The following MED13L variants were observed in gnomAD, a reference collection of about 807,000 sequenced individuals.
MED13L encodes the protein mediator of RNA polymerase II transcription subunit 13-like.
In MED13L, 7 loss-of-function variants were observed where a neutral mutation model predicts 220.9. The observed-to-expected ratio is 0.03, with a 90% confidence interval of 0.02 to 0.06. The LOEUF is 0.06. Ranked by LOEUF, MED13L falls within the 10% of genes least tolerant of loss-of-function variation. MED13L has a pLI of 1.00. For synonymous variants in MED13L, 1,011 were observed against 1,015.2 expected (o/e 1.00, Z 0.08); for missense variants, 1,965 against 2,760.5 (o/e 0.71, Z 6.46).
intron 2 of MED13L, among the ~76,000 whole-genome samples, chr12:116,168,713 C>T (rs1879465099): frequency 6.6e-6 from 1 of 152,056 alleles, no homozygotes; most frequent in African/African-American, 2.4e-5. Context: ...CAAACCAGGG[C>T]AAATGGATGA....
intron 3 of MED13L, among the ~76,000 whole-genome samples, chr12:116,102,439 T>C (rs1873133400): frequency 2.0e-5 from 3 of 152,164 alleles, no homozygotes; most frequent in Admixed American, 2.0e-4. Context: ...TACCATAATC[T>C]CAACAAAATT....
intron 1 of MED13L, among the ~76,000 whole-genome samples, chr12:116,267,436 C>T (rs1361960776): frequency 6.6e-6 from 1 of 152,148 alleles, no homozygotes; most frequent in African/African-American, 2.4e-5. Context: ...GGTTAACTGC[C>T]TCGGGCTACT....
intron 1 of MED13L, among the ~76,000 whole-genome samples, chr12:116,246,317 T>C (rs12826620): frequency 0.013 from 2,030 of 150,384 alleles, 21 homozygotes; most frequent in Non-Finnish European, 0.021. Flanking sequence ...TGAGAGGGAA[T>C]AAAATAAATC....
chr12:116,135,515 T>C (rs565428239), intron 2 of MED13L, among the ~76,000 whole-genome samples: 46 of 152,328 alleles, frequency 3.0e-4, no homozygotes, highest in Non-Finnish European at 3.2e-4. Flanking sequence ...ATATCTATTA[T>C]GCCCTTTCCA....
chr12:116,084,768 T>G (rs1871499243), intron 4 of MED13L, among the ~76,000 whole-genome samples: 1 of 148,602 alleles, frequency 6.7e-6, no homozygotes, highest in Non-Finnish European at 1.5e-5. Flanking sequence ...AGCAGGACCC[T>G]GTCGCCAAAA....
chr12:116,199,716 A>G (rs988071791), intron 2 of MED13L, among the ~76,000 whole-genome samples: 3 of 151,960 alleles, frequency 2.0e-5, no homozygotes, highest in South Asian at 4.2e-4. Context: ...ATTCAAACCT[A>G]TATCAGGAAA....
intron 3 of MED13L, among the ~76,000 whole-genome samples, chr12:116,098,380 G>A (rs943319144): frequency 6.6e-6 from 1 of 152,198 alleles, no homozygotes; most frequent in Non-Finnish European, 1.5e-5. Context: ...TACATATTTT[G>A]TAAGAAAAGA....
intron 2 of MED13L, among the ~76,000 whole-genome samples, chr12:116,185,590 G>C (rs932277166): frequency 1.3e-5 from 2 of 152,056 alleles, no homozygotes; most frequent in African/African-American, 4.8e-5. Flanking sequence ...TCACCTTATT[G>C]ATCTATTTCC....
chr12:116,006,804 A>T (rs61354255), intron 11 of MED13L: 32,624 of 211,222 alleles, frequency 0.15, 2,838 homozygotes, highest in Middle Eastern at 0.19. Context: ...CCCTAACTAT[A>T]CCGGCCTCTT....
rs369352458 is a variant in MED13L at position 115,991,824 on chromosome 12, G to A, written c.3130C>T (p.Pro1044Ser). Residue 1044 changes from proline to serine, a missense_variant, in exon 17 of 31, where the codon CCT (proline) becomes TCT (serine). Physicochemically the swap from Pro to Ser is moderately conservative, Grantham distance 74 (BLOSUM62 -1). Transcript: ENST00000281928. The surrounding 1 kb of genome is among the most constrained non-coding windows in gnomAD (Gnocchi z 7.7). ...GAGVLPSPAT[P>S]RFSVPTPRTP... ...CGTGGTGTGGGGACAGAGAAGCGAGGGGTTGCTGGAGATGGTAGGACTCCT... is the reference window on the plus strand; with the variant it reads ...CGTGGTGTGGGGACAGAGAAGCGAGAGGTTGCTGGAGATGGTAGGACTCCT... The A allele has an allele frequency of 1.2e-6, 2 of 1,612,640 alleles. No homozygotes were observed. Among genetic ancestry groups the A allele is most frequent in the Non-Finnish European group, 1.7e-6 (2 of 1,179,990 alleles).
chr12:116,177,870 A>T (rs752480118), intron 2 of MED13L, among the ~76,000 whole-genome samples: 91 of 152,136 alleles, frequency 6.0e-4, no homozygotes, highest in Non-Finnish European at 1.3e-3. Context: ...ATTTTTTTTT[A>T]AAAGACAGAA....
chr12:116,083,146 C>T (rs916499616), intron 4 of MED13L, among the ~76,000 whole-genome samples: 3 of 152,072 alleles, frequency 2.0e-5, no homozygotes, highest in African/African-American at 4.8e-5. Flanking sequence ...GTGGCTCATA[C>T]CTGTAATCCC....
chr12:116,019,819 C>A lies in MED13L; in HGVS notation c.779G>T (p.Gly260Val). The A allele has an allele frequency of 6.2e-7, 1 of 1,614,016 alleles. No homozygotes were observed. The highest frequency in any genetic ancestry group is 8.5e-7 in the Non-Finnish European group (1 of 1,179,948). Residue 260 changes from glycine (G) to valine (V), a missense_variant, in exon 6 of 31, where the codon GGA (glycine) becomes GTA (valine). Gly to Val is a moderately radical substitution (Grantham distance 109, BLOSUM62 -3). This residue lies in a region of MED13L where 818 missense variants were observed against 1,041.2 expected (regional missense o/e 0.79). Transcript: ENST00000281928. ...TGCCACAGGGAAATCATCATCATAT[C>A]CCAACTCGTCTTCCTCTTTCGATTC... ...KEESKEEDELGYDDDFPVAVE... is the reference protein window; with the variant it reads ...KEESKEEDELVYDDDFPVAVE...
chr12:116,268,386 T>C (rs578141127), intron 1 of MED13L, among the ~76,000 whole-genome samples: 1 of 152,354 alleles, frequency 6.6e-6, no homozygotes, highest in South Asian at 2.1e-4. Flanking sequence ...TAAAATGTTT[T>C]TTGTCAAACC....
intron 2 of MED13L, among the ~76,000 whole-genome samples, chr12:116,135,775 T>TA (rs1876491593): frequency 6.6e-6 from 1 of 152,190 alleles, no homozygotes; most frequent in African/African-American, 2.4e-5. Context: ...AACTTTAGTA[T>TA]AAGTCAATCA....
At chr12:116,070,637 A>G (rs994259998) in intron 4 of MED13L, among the ~76,000 whole-genome samples, 1 of 152,184 alleles carries the variant, frequency 6.6e-6, no homozygotes, top group Non-Finnish European at 1.5e-5. Context: ...AATTATGATA[A>G]ACCACACAGT....
intron 4 of MED13L, among the ~76,000 whole-genome samples, chr12:116,046,367 C>T (rs1881835482): frequency 6.6e-6 from 1 of 151,928 alleles, no homozygotes; most frequent in African/African-American, 2.4e-5. Flanking sequence ...TGCTCTGATA[C>T]AAAATCTAAA....
In MED13L at chr12:115,996,476, T is replaced by C. The variant is rs1420950414; in HGVS notation, c.2996A>G (p.Asn999Ser). The change falls in exon 16 of 31, where the codon AAT becomes AGT. Residue 999 changes from asparagine to serine, a missense_variant and splice_region_variant. By Grantham distance (46) the Asn-to-Ser change is conservative. This residue lies in a region of MED13L where 233 missense variants were observed against 306.2 expected (regional missense o/e 0.76). Coordinates refer to ENST00000281928, the MANE Select transcript of MED13L (RefSeq NM_015335.5). ...PAATFIRDGY[N>S]NVPSVGSLAD... ...TAAATGACACAATCCCTATACATAC[T>C]TGTAGCCATCTCTAATGAAAGTGGC... The C allele has an allele frequency of 1.9e-6, 3 of 1,610,988 alleles. No individual in the cohort carries two copies. The highest frequency in any genetic ancestry group is 4.5e-5 in the East Asian group (2 of 44,862).
intron 2 of MED13L, among the ~76,000 whole-genome samples, chr12:116,154,350 T>C (rs1035217954): frequency 4.6e-5 from 7 of 152,116 alleles, no homozygotes; most frequent in Non-Finnish European, 8.8e-5. Flanking sequence ...AAGTCTGGAG[T>C]TGGAACTCTT....
Sources: allele counts gnomAD v4.1 joint callset (sites outside exome capture counted in the v4.1 genomes callset), GRCh38; gene constraint gnomAD v4.1.1; regional missense constraint gnomAD v4.1.1; non-coding constraint Gnocchi (gnomAD v3.1); transcripts MANE v1.5; gene names NCBI Gene and HGNC (gene_info 2026-07-23, HGNC 2026-07-21).